Variants in NPAS3 observed in about 807,000 individuals in gnomAD.
NPAS3 encodes the protein neuronal PAS domain-containing protein 3.
A neutral mutation model predicts 73.1 loss-of-function variants in NPAS3; 14 were observed. The ratio of observed to expected loss-of-function variants is 0.19; its 90% CI spans 0.13 to 0.30. The LOEUF is 0.30. NPAS3 is among the 10% of genes least tolerant of loss of function. The pLI, the probability that NPAS3 is intolerant of heterozygous loss-of-function variation, is 1.00. For missense variants in NPAS3, 1,096 were observed against 1,250.0 expected, an observed-to-expected ratio of 0.88 and a Z score of 1.86; for synonymous variants, 620 against 541.5, an observed-to-expected ratio of 1.14 and a Z score of -2.01.
chr14:33,445,538 C>A (rs972907197), intron 4 of NPAS3, among the ~76,000 whole-genome samples: 3 of 152,158 alleles, frequency 2.0e-5, no homozygotes, highest in African/African-American at 7.2e-5. Context: ...CTCTGTTATA[C>A]AATTGAAAAA....
chr14:33,410,649 C>G (rs1427373313), intron 4 of NPAS3, among the ~76,000 whole-genome samples: 1 of 152,072 alleles, frequency 6.6e-6, no homozygotes, highest in African/African-American at 2.4e-5. Context: ...ATAGTTGGTA[C>G]TTTTTGTTTT....
chr14:33,523,158 TA>T (rs1014009934), intron 4 of NPAS3, among the ~76,000 whole-genome samples: 2 of 152,060 alleles, frequency 1.3e-5, no homozygotes, highest in African/African-American at 4.8e-5. Context: ...TAAGGCAAAC[TA>T]AAGTACATTG....
intron 4 of NPAS3, among the ~76,000 whole-genome samples, chr14:33,410,061 A>C (rs1394835259): frequency 6.6e-6 from 1 of 152,154 alleles, no homozygotes; most frequent in Non-Finnish European, 1.5e-5. Flanking sequence ...AAATCACTGC[A>C]TAAATAGATT....
chr14:33,567,145 AC>A (rs1349253638), intron 5 of NPAS3, among the ~76,000 whole-genome samples: 20 of 152,184 alleles, frequency 1.3e-4, no homozygotes, highest in African/African-American at 4.8e-4. Context: ...TTGATTAGCC[AC>A]TTCTTGAAAG....
chr14:33,210,050 A>G (rs1042683681), intron 2 of NPAS3, among the ~76,000 whole-genome samples: 2 of 152,166 alleles, frequency 1.3e-5, no homozygotes, highest in Non-Finnish European at 2.9e-5. Flanking sequence ...CTCTGTGGCT[A>G]CCTATTTTTA....
At chr14:33,205,860 C>T (rs1205371577) in intron 2 of NPAS3, among the ~76,000 whole-genome samples, 2 of 152,136 alleles carry the variant, frequency 1.3e-5, no homozygotes, top group African/African-American at 4.8e-5. Context: ...CAGAAGCTTT[C>T]TTCCACTTAG....
chr14:33,746,291 C>A (rs1198658205), intron 7 of NPAS3, among the ~76,000 whole-genome samples: 1 of 151,642 alleles, frequency 6.6e-6, no homozygotes, highest in African/African-American at 2.4e-5. Context: ...CGGGTTCAAG[C>A]GATTCTCCTG....
chr14:33,248,279 C>T (rs908522275), intron 3 of NPAS3, among the ~76,000 whole-genome samples: 1 of 152,196 alleles, frequency 6.6e-6, no homozygotes, highest in African/African-American at 2.4e-5. Context: ...TGGACACTGC[C>T]ACGTTGGCTG....
At chr14:33,787,638 G>T (rs1566542226) in intron 9 of NPAS3, among the ~76,000 whole-genome samples, 1 of 151,028 alleles carries the variant, frequency 6.6e-6, no homozygotes, top group Non-Finnish European at 1.5e-5. Context: ...ATTTCTGGAT[G>T]CCTGCTATTT....
At chr14:33,665,053 C>T (rs374529515) in intron 5 of NPAS3, among the ~76,000 whole-genome samples, 60 of 152,296 alleles carry the variant, frequency 3.9e-4, no homozygotes, top group Non-Finnish European at 7.4e-4. Flanking sequence ...AAGACACATG[C>T]GCACACATGT....
intron 1 of NPAS3, among the ~76,000 whole-genome samples, chr14:33,040,692 T>C (rs1286199967): frequency 1.3e-5 from 2 of 152,206 alleles, no homozygotes; most frequent in African/African-American, 4.8e-5. Flanking sequence ...GGTTGTGTTC[T>C]TAACCCACCC....
chr14:33,454,623 G>A (rs1566917903), intron 4 of NPAS3, among the ~76,000 whole-genome samples: 1 of 152,184 alleles, frequency 6.6e-6, no homozygotes, highest in African/African-American at 2.4e-5. Flanking sequence ...GTAAGTATAG[G>A]CATGCATTCA....
intron 4 of NPAS3, among the ~76,000 whole-genome samples, chr14:33,444,672 T>C (rs2049405689): frequency 6.6e-6 from 1 of 152,230 alleles, no homozygotes; most frequent in Non-Finnish European, 1.5e-5. Flanking sequence ...CTGGGTAGTG[T>C]TCACGATTCC....
intron 2 of NPAS3, among the ~76,000 whole-genome samples, chr14:33,145,872 C>A (rs2044221025): frequency 6.6e-6 from 1 of 152,032 alleles, no homozygotes; most frequent in Non-Finnish European, 1.5e-5. Context: ...GGAAATGTGA[C>A]CTCTTGTTGT....
At chr14:32,945,607 T>G (rs2036216986) in intron 1 of NPAS3, among the ~76,000 whole-genome samples, 1 of 152,170 alleles carries the variant, frequency 6.6e-6, no homozygotes, top group African/African-American at 2.4e-5. Context: ...AACACCAGTG[T>G]GGAAGGGCCT....
intron 5 of NPAS3, among the ~76,000 whole-genome samples, chr14:33,639,161 C>T (rs1360494147): frequency 2.6e-5 from 4 of 152,146 alleles, no homozygotes; most frequent in African/African-American, 9.7e-5. Flanking sequence ...TTAACTATTA[C>T]CACTCTAGGT....
intron 7 of NPAS3, among the ~76,000 whole-genome samples, chr14:33,751,209 T>A (rs1252574042): frequency 6.6e-6 from 1 of 152,198 alleles, no homozygotes; most frequent in Non-Finnish European, 1.5e-5. Flanking sequence ...TTTGGAATCA[T>A]TGTAAGAGAA....
intron 2 of NPAS3, among the ~76,000 whole-genome samples, chr14:33,066,417 G>A (rs2041281774): frequency 6.6e-6 from 1 of 152,138 alleles, no homozygotes. Context: ...CAATTTATAT[G>A]ATGCTTGTAG....
chr14:33,509,050 C>T (rs1430982761), intron 4 of NPAS3, among the ~76,000 whole-genome samples: 1 of 140,768 alleles, frequency 7.1e-6, no homozygotes, highest in Non-Finnish European at 1.6e-5. Flanking sequence ...TAAAGGTTAT[C>T]CAACTACTTT....
Sources: allele counts gnomAD v4.1 joint callset (sites outside exome capture counted in the v4.1 genomes callset), GRCh38; gene constraint gnomAD v4.1.1; transcripts MANE v1.5; gene names NCBI Gene and HGNC (gene_info 2026-07-23, HGNC 2026-07-21).